Variants in GTPBP8 observed in about 807,000 individuals in gnomAD.
GTPBP8 encodes the protein GTP binding protein 8, also known as GTP-binding protein 8.
In GTPBP8, 21 loss-of-function variants were observed where a neutral mutation model predicts 27.3. The observed-to-expected ratio is 0.77, with a 90% CI of 0.55 to 1.11. The LOEUF (loss-of-function observed/expected upper bound fraction) is 1.11. Among genes scored for constraint, GTPBP8 ranks in the 50% least tolerant of loss-of-function variants. The pLI is 0.00. For missense variants in GTPBP8, 380 were observed against 350.8 expected (o/e 1.08, Z -0.67); for synonymous variants, 147 against 135.3 (o/e 1.09, Z -0.60).
At chr3:112,995,323 CAGT>C in intron 3 of GTPBP8, 58 bp downstream of exon 3, 1 of 1,191,292 alleles carries the variant, frequency 8.4e-7, no homozygotes, top group Non-Finnish European at 1.2e-6. Flanking sequence ...ATGTTTTCAT[CAGT>C]AGAGTATTAT....
At chr3:112,996,829 GA>G in intron 3 of GTPBP8, 62 bp from the exon 4 acceptor site, 1 of 767,392 alleles carries the variant, frequency 1.3e-6, no homozygotes, top group South Asian at 1.4e-5. Flanking sequence ...CAGTAAGGAA[GA>G]GGGGATAAAT....
chr3:112,991,732 G>A (rs942074237), intron 1 of GTPBP8: 14 of 375,172 alleles, frequency 3.7e-5, no homozygotes, highest in African/African-American at 2.8e-4. Flanking sequence ...CTTAAGTAGG[G>A]AAAACATGCC....
At chr3:112,997,382 T>C (rs1933806894) in intron 4 of GTPBP8, among the ~76,000 whole-genome samples, 1 of 152,228 alleles carries the variant, frequency 6.6e-6, no homozygotes, top group Non-Finnish European at 1.5e-5. Context: ...ACTTAAAAAG[T>C]TGCTTAACTA....
At chr3:112,992,209 C>T (rs768964188) in intron 1 of GTPBP8, 2 of 152,218 alleles carry the variant, frequency 1.3e-5, no homozygotes, top group Non-Finnish European at 2.9e-5. Context: ...TAGATTTGCT[C>T]TGGCAGAGCA....
chr3:112,999,409 C>A, intron 4 of GTPBP8, 37 bp from the exon 5 acceptor site: 1 of 717,350 alleles, frequency 1.4e-6, no homozygotes, highest in South Asian at 2.1e-5. Context: ...TTAAGAACCA[C>A]TTTATTTCTA....
At chr3:112,997,882 G>A (rs954424719) in intron 4 of GTPBP8, among the ~76,000 whole-genome samples, 2 of 152,126 alleles carry the variant, frequency 1.3e-5, no homozygotes, top group South Asian at 2.1e-4. Flanking sequence ...ATTTGGTATC[G>A]CAGATACTAG....
chr3:112,999,760 C>T (rs944503382), intron 5 of GTPBP8, among the ~76,000 whole-genome samples, 196 bp downstream of exon 5: 3 of 151,674 alleles, frequency 2.0e-5, no homozygotes. Flanking sequence ...AGTCTTTTTT[C>T]GCTCACCCCT....
intron 2 of GTPBP8, among the ~76,000 whole-genome samples, chr3:112,994,002 A>G (rs1424998853): frequency 1.3e-5 from 2 of 152,224 alleles, no homozygotes; most frequent in Non-Finnish European, 2.9e-5. Flanking sequence ...GACATTCCCA[A>G]TCTGTAATTC....
rs1933674551 is a variant in GTPBP8 at position 112,991,354 on chromosome 3, G to A, written c.336+19G>A. Reference sequence around the variant, plus strand: ...GCCAGAGGTGAGAGGCGATTCTCACGGTTCACCTGCGCGCCGGCGTCACAG... The same window carrying A: ...GCCAGAGGTGAGAGGCGATTCTCACAGTTCACCTGCGCGCCGGCGTCACAG... On this transcript the variant is annotated intron_variant, in intron 1 of 5. Transcript: ENST00000383678. The A allele has an allele frequency of 6.2e-7, 1 of 1,605,056 alleles. No individual in the cohort carries two copies. Among genetic ancestry groups the A allele is most frequent in the African/African-American group, 1.3e-5 (1 of 74,912 alleles).
At position 113,000,740 on chromosome 3, in the gene GTPBP8, T is replaced by C; in HGVS notation, c.786-110T>C. 4 of 648,884 alleles carry C rather than the reference T, an allele frequency of 6.2e-6. No homozygotes were observed. The East Asian group carries it at 1.1e-4, about 18-fold the overall frequency. The allele number at this position is 648,884 out of a possible 1,614,324, so 40.2% of individuals were successfully genotyped here. A position where few individuals can be genotyped will look rare whatever the true frequency, so the allele number is the denominator to read the frequency against. On this transcript the variant is annotated intron_variant, in intron 5 of 5. Transcript: ENST00000383678. The stretch of plus-strand genomic sequence containing the variant: ...GAAAGCTAGAACACATTAAAAGATG[T>C]TCTGCTTTCATATATGAAATCATAA...
chr3:112,996,456 T>A (rs772000898), intron 3 of GTPBP8, among the ~76,000 whole-genome samples: 5 of 152,090 alleles, frequency 3.3e-5, no homozygotes, highest in Non-Finnish European at 7.4e-5. Flanking sequence ...AGAATGAGGC[T>A]CTGTCTAAAA....
In GTPBP8 at chr3:112,991,344, C is replaced by T. The variant is rs771156338; in HGVS notation, c.336+9C>T. 4 of 1,611,448 alleles carry T rather than the reference C, an allele frequency of 2.5e-6. No homozygotes were observed. The highest frequency in any genetic ancestry group is 1.7e-5 in the Admixed American group (1 of 60,022). On this transcript the variant is annotated intron_variant, in intron 1 of 5. Coordinates refer to ENST00000383678, the MANE Select transcript of GTPBP8 (RefSeq NM_014170.4). Reference sequence around the variant, plus strand: ...ACCTTCCGCGGCCAGAGGTGAGAGGCGATTCTCACGGTTCACCTGCGCGCC... The same window carrying T: ...ACCTTCCGCGGCCAGAGGTGAGAGGTGATTCTCACGGTTCACCTGCGCGCC...
chr3:112,996,187 G>A (rs994795459), intron 3 of GTPBP8, among the ~76,000 whole-genome samples: 4 of 152,110 alleles, frequency 2.6e-5, no homozygotes, highest in Admixed American at 2.6e-4. Context: ...GACCAGGCAC[G>A]CCGGCTCACG....
chr3:112,992,415 CT>C (rs1559709932), intron 1 of GTPBP8: 1 of 152,366 alleles, frequency 6.6e-6, no homozygotes, highest in African/African-American at 2.4e-5. Flanking sequence ...ATTGTACCCC[CT>C]CCCCCAATAC....
rs763925318 is a variant in GTPBP8 at position 112,993,090 on chromosome 3, C to T, written c.401C>T (p.Ala134Val). Residue 134 changes from alanine to valine, a missense_variant, in exon 2 of 6, where the codon GCC becomes GTC. Coordinates refer to ENST00000383678, the MANE Select transcript of GTPBP8 (RefSeq NM_014170.4). ...SSLIKALFSLAPEVEVRVSKK... is the reference protein window; with the variant it reads ...SSLIKALFSLVPEVEVRVSKK... ...CTAATCAAGGCTTTATTTTCACTGG[C>T]CCCTGAGGTTGAAGTCAGAGTCTCC... The T allele has an allele frequency of 2.5e-6, 4 of 1,609,442 alleles. No individual in the cohort carries two copies. In the African/African-American group the frequency reaches 4.0e-5, roughly 16 times the overall value.
rs1288119501 is a variant in GTPBP8 at position 113,001,365 on chromosome 3, T to C, written c.*446T>C. 2.0e-5 allele frequency: 3 copies of C among 152,524 alleles called. No homozygotes were observed. The highest frequency in any genetic ancestry group is 7.2e-5 in the African/African-American group (3 of 41,450). 9.4% of individuals were successfully genotyped at this position (152,524 alleles called of 1,614,324 possible). ...GTAAGTTGATGGATAAAAGTTACTA[T>C]GTAAGCCTATTTTTTTGAGTCCTTA... is the stretch of plus-strand genomic sequence containing the variant. On this transcript the variant is annotated 3_prime_UTR_variant, in exon 6 of 6. Transcript: ENST00000383678.
At chr3:112,991,702 TC>T in intron 1 of GTPBP8, 1 of 416,922 alleles carries the variant, frequency 2.4e-6, no homozygotes, top group African/African-American at 2.1e-5. Context: ...AAATTAACTC[TC>T]CTTTTTTCTT....
chr3:112,991,476 A>G, intron 1 of GTPBP8, 141 bp downstream of exon 1: 2 of 770,576 alleles, frequency 2.6e-6, no homozygotes, highest in Non-Finnish European at 2.3e-6. Flanking sequence ...CTCAATAGGC[A>G]TATGTCGATG....
intron 2 of GTPBP8, 33 bp from the exon 3 acceptor site, chr3:112,995,102 A>C (rs201983858): frequency 2.6e-6 from 4 of 1,520,160 alleles, no homozygotes; most frequent in Non-Finnish European, 3.6e-6. Flanking sequence ...ACATATCTTA[A>C]GACAGCTTTT....
Sources: gnomAD v4.1 joint callset for allele counts (sites outside exome capture counted in the v4.1 genomes callset) on GRCh38, gnomAD v4.1.1 for gene constraint, MANE v1.5 for transcripts, NCBI Gene and HGNC (gene_info 2026-07-23, HGNC 2026-07-21) for gene names.